Variants in NHERF1 observed in about 807,000 individuals in gnomAD.
NHERF1 encodes Na(+)/H(+) exchange regulatory cofactor NHE-RF1.
At chr17:74,749,162 G>A in the NHERF1 span, 20 of 1,543,592 alleles carry the variant, frequency 1.3e-5, no homozygotes, top group African/African-American at 1.8e-4. This position sits in a 1 kb window ranked among gnomAD's most constrained non-coding sequence, Gnocchi z 5.6. Context: ...CGGCGTCCAG[G>A]TCCGAGAGGA....
chr17:74,767,313 C>T, the NHERF1 span, among the ~76,000 whole-genome samples: 1 of 152,190 alleles, frequency 6.6e-6, no homozygotes, highest in South Asian at 2.1e-4. Flanking sequence ...CAGCCGGGCC[C>T]CTGCTACTTC....
the NHERF1 span, chr17:74,768,292 C>T: frequency 7.0e-7 from 1 of 1,420,888 alleles, no homozygotes; most frequent in South Asian, 1.1e-5. Context: ...ATTCCCAGGC[C>T]CCACTTGTTC....
At chr17:74,766,980 A>G in the NHERF1 span, 1 of 1,613,798 alleles carries the variant, frequency 6.2e-7, no homozygotes. Context: ...ACAGAAGGTA[A>G]GGGCGGGTCC....
the NHERF1 span, among the ~76,000 whole-genome samples, chr17:74,767,578 G>A: frequency 6.6e-6 from 1 of 152,178 alleles, no homozygotes. Context: ...TCCTGCCAGG[G>A]TACTTGGCAA....
chr17:74,754,464 G>A, the NHERF1 span, among the ~76,000 whole-genome samples: 14 of 134,958 alleles, frequency 1.0e-4, no homozygotes, highest in Admixed American at 5.0e-4. Flanking sequence ...GTGCAGTGGT[G>A]TGATCTCGGC....
the NHERF1 span, among the ~76,000 whole-genome samples, chr17:74,749,497 G>A: frequency 1.3e-5 from 2 of 152,222 alleles, no homozygotes; most frequent in Non-Finnish European, 2.9e-5. This position sits in a 1 kb window ranked among gnomAD's most constrained non-coding sequence, Gnocchi z 5.6. Context: ...TCCTTCCCAG[G>A]CTGTGCTGGG....
chr17:74,749,137 G>A, the NHERF1 span: 2 of 1,564,136 alleles, frequency 1.3e-6, no homozygotes, highest in Non-Finnish European at 1.7e-6. The surrounding 1 kb of genome is among the most constrained non-coding windows in gnomAD (Gnocchi z 5.6). Context: ...AGACGGACGA[G>A]CAGCTGCAGA....
At chr17:74,751,585 C>T in the NHERF1 span, among the ~76,000 whole-genome samples, 6 of 152,218 alleles carry the variant, frequency 3.9e-5, no homozygotes, top group African/African-American at 1.4e-4. This position sits in a 1 kb window ranked among gnomAD's most constrained non-coding sequence, Gnocchi z 4.3. Context: ...TGGCCATCCC[C>T]GCTGGGGAGT....
the NHERF1 span, among the ~76,000 whole-genome samples, chr17:74,765,739 A>C: frequency 6.6e-6 from 1 of 151,902 alleles, no homozygotes; most frequent in East Asian, 1.9e-4. Context: ...TTTAGTAGGG[A>C]TAGGGTTTCG....
At chr17:74,753,590 A>G in the NHERF1 span, among the ~76,000 whole-genome samples, 1 of 152,146 alleles carries the variant, frequency 6.6e-6, no homozygotes, top group Non-Finnish European at 1.5e-5. Context: ...TCTCTTGGAG[A>G]TAGATGGGGG....
the NHERF1 span, among the ~76,000 whole-genome samples, chr17:74,751,299 T>G: frequency 6.6e-6 from 1 of 152,218 alleles, no homozygotes; most frequent in Non-Finnish European, 1.5e-5. This position sits in a 1 kb window ranked among gnomAD's most constrained non-coding sequence, Gnocchi z 4.3. Context: ...ATGTGGTTAT[T>G]AGAAAAAATG....
the NHERF1 span, chr17:74,768,253 G>C: frequency 6.3e-7 from 1 of 1,591,356 alleles, no homozygotes; most frequent in Non-Finnish European, 8.6e-7. Flanking sequence ...CAGCCATGCG[G>C]GGGGTGGCAA....
At chr17:74,752,864 C>CTA in the NHERF1 span, among the ~76,000 whole-genome samples, 70 of 152,338 alleles carry the variant, frequency 4.6e-4, 1 homozygote, top group African/African-American at 1.6e-3. Flanking sequence ...CAACTGTGGC[C>CTA]TATTTGTGTT....
the NHERF1 span, chr17:74,766,787 T>C: frequency 1.1e-5 from 8 of 752,006 alleles, no homozygotes; most frequent in Non-Finnish European, 1.6e-5. Context: ...ATAAGGCAAA[T>C]GTATTCATGG....
the NHERF1 span, chr17:74,748,935 G>A: frequency 5.0e-6 from 8 of 1,604,056 alleles, no homozygotes; most frequent in African/African-American, 1.3e-5. This position sits in a 1 kb window ranked among gnomAD's most constrained non-coding sequence, Gnocchi z 4.3. Context: ...CACCTGCACG[G>A]GGAGAAGGGC....
At chr17:74,754,439 G>T in the NHERF1 span, among the ~76,000 whole-genome samples, 1 of 112,592 alleles carries the variant, frequency 8.9e-6, no homozygotes, top group Non-Finnish European at 1.7e-5. Flanking sequence ...GTCTTGCTCT[G>T]TTGCCCAGGC....
the NHERF1 span, chr17:74,748,669 G>A: frequency 1.7e-6 from 1 of 591,890 alleles, no homozygotes; most frequent in East Asian, 3.0e-5. This position sits in a 1 kb window ranked among gnomAD's most constrained non-coding sequence, Gnocchi z 4.3. Flanking sequence ...GTCCTCTCTC[G>A]GCTCCTCGCG....
the NHERF1 span, chr17:74,749,278 C>T: frequency 8.9e-4 from 1,358 of 1,529,318 alleles, 2 homozygotes; most frequent in African/African-American, 1.2e-3. This position sits in a 1 kb window ranked among gnomAD's most constrained non-coding sequence, Gnocchi z 5.6. Context: ...ACAAGAGCCA[C>T]CCGGAGCAGG....
the NHERF1 span, among the ~76,000 whole-genome samples, chr17:74,754,403 T>C: frequency 2.5e-4 from 35 of 141,026 alleles, no homozygotes; most frequent in African/African-American, 6.2e-4. Flanking sequence ...TTCTTTCTTT[T>C]TTTTTTTTTT....
Sources: allele counts gnomAD v4.1 joint callset (sites outside exome capture counted in the v4.1 genomes callset), GRCh38; gene constraint gnomAD v4.1.1; non-coding constraint Gnocchi (gnomAD v3.1); transcripts MANE v1.5; gene names NCBI Gene and HGNC (gene_info 2026-07-23, HGNC 2026-07-21).